The following GNA14 variants were observed in gnomAD, a reference collection of about 807,000 sequenced individuals.
The protein encoded by GNA14 is guanine nucleotide-binding protein subunit alpha-14.
Under a neutral mutation model 42.0 loss-of-function variants are expected in GNA14, and 50 were observed. That is an observed-to-expected ratio of 1.19 (90% CI 0.95 to 1.51). The LOEUF is 1.51. Ranked by LOEUF, GNA14 falls within the 40% of genes most tolerant of loss-of-function variation. The pLI is 0.00. For synonymous variants in GNA14, 173 were observed against 163.1 expected (o/e 1.06, Z -0.46); for missense variants, 473 against 446.2 (o/e 1.06, Z -0.54).
chr9:77,478,013 G>C (rs561878382), intron 2 of GNA14, among the ~76,000 whole-genome samples: 1 of 145,710 alleles, frequency 6.9e-6, no homozygotes, highest in Non-Finnish European at 1.5e-5. Flanking sequence ...CAGAATGAGA[G>C]ACCTTTTTAA....
rs578075402 is a variant in GNA14, at chr9:77,631,814, A to C, written c.124+15856T>G. ...ATGATGGCAGTGGCGGGCCATCTGG[A>C]GCAGCCGCTGCCATCATGCCGGCTG... is the stretch of plus-strand genomic sequence containing the variant. On this transcript the variant is annotated intron_variant, in intron 1 of 6. Transcript: ENST00000341700. 2.7e-3 allele frequency among the ~76,000 whole-genome samples: 416 copies of C among 152,264 alleles called. 1 individual carries two copies. The highest frequency in any genetic ancestry group is 9.8e-3 in the African/African-American group (406 of 41,542).
intron 1 of GNA14, among the ~76,000 whole-genome samples, chr9:77,614,090 T>A (rs1234914510): frequency 1.3e-5 from 2 of 152,224 alleles, no homozygotes; most frequent in Non-Finnish European, 2.9e-5. Context: ...AAACTTATTT[T>A]TCCCTCCTGT....
intron 2 of GNA14, among the ~76,000 whole-genome samples, chr9:77,469,102 G>A (rs746214998): frequency 5.3e-5 from 8 of 152,050 alleles, no homozygotes. Flanking sequence ...GGTCCCTGTA[G>A]GATGCTTTAC....
chr9:77,509,016 T>C (rs1837117776), intron 2 of GNA14, among the ~76,000 whole-genome samples: 1 of 152,216 alleles, frequency 6.6e-6, no homozygotes, highest in Non-Finnish European at 1.5e-5. Flanking sequence ...ATTCACGTTG[T>C]CATGCAACCA....
intron 2 of GNA14, among the ~76,000 whole-genome samples, chr9:77,476,144 G>A (rs1008462536): frequency 1.3e-5 from 2 of 152,180 alleles, no homozygotes; most frequent in Non-Finnish European, 2.9e-5. Flanking sequence ...GAGGGATGTG[G>A]TCAGAATGCT....
chr9:77,647,886 C>G lies in GNA14; in HGVS notation c.-93G>C. 1 of 1,452,912 alleles carries G rather than the reference C, an allele frequency of 6.9e-7. No individual in the cohort carries two copies. The highest frequency in any genetic ancestry group is 1.4e-5 in the African/African-American group (1 of 70,462). 90.0% of individuals were successfully genotyped at this position (1,452,912 alleles called of 1,614,324 possible). A position where few individuals can be genotyped will look rare whatever the true frequency, so the allele number is the denominator to read the frequency against. The stretch of plus-strand genomic sequence containing the variant: ...TCACCCGGCCAGCATGCGACGGGCA[C>G]AGGGGTGTGGAAAGAAAAGACGGGG... On this transcript the variant is annotated 5_prime_UTR_variant, in exon 1 of 7. Coordinates refer to ENST00000341700, the MANE Select transcript of GNA14 (RefSeq NM_004297.4).
chr9:77,556,460 A>C (rs1400017077), intron 1 of GNA14, among the ~76,000 whole-genome samples: 1 of 152,142 alleles, frequency 6.6e-6, no homozygotes, highest in Non-Finnish European at 1.5e-5. Context: ...TTTGAGTTTC[A>C]ACTTACTGGA....
chr9:77,526,758 G>A (rs7030947), intron 2 of GNA14: 99,841 of 152,020 alleles, frequency 0.66, 32,892 homozygotes, highest in Admixed American at 0.74. Flanking sequence ...TTCTGTCTTA[G>A]GCCATCCAAT....
chr9:77,535,135 G>C lies in GNA14; in HGVS notation c.125-5882C>G, dbSNP rs115791513. On this transcript the variant is annotated intron_variant, in intron 1 of 6. Transcript: ENST00000341700. ...CCAGAGGACGGTGCCAGGCCCTTGG[G>C]GGCACTCTGCTTGGCCCCAGAGAAC... 4.2e-3 allele frequency among the ~76,000 whole-genome samples: 634 copies of C among 152,346 alleles called. 6 individuals are homozygous for C. Among genetic ancestry groups the C allele is most frequent in the African/African-American group, 0.014 (597 of 41,584 alleles).
At chr9:77,520,811 C>A (rs1047108225) in intron 2 of GNA14, among the ~76,000 whole-genome samples, 32 of 152,168 alleles carry the variant, frequency 2.1e-4, no homozygotes, top group African/African-American at 7.2e-4. Flanking sequence ...CAGGATCTCC[C>A]TTTTTCATTA....
intron 1 of GNA14, among the ~76,000 whole-genome samples, chr9:77,625,503 C>A (rs4320618): frequency 0.28 from 42,303 of 152,042 alleles, 6,801 homozygotes; most frequent in African/African-American, 0.44. Context: ...GGGTTACCCA[C>A]AAAGGGAAGC....
intron 1 of GNA14, among the ~76,000 whole-genome samples, chr9:77,631,806 C>T (rs1271479405): frequency 6.6e-5 from 10 of 152,148 alleles, no homozygotes; most frequent in Non-Finnish European, 5.9e-5. Flanking sequence ...CAGTGGCGGG[C>T]CATCTGGAGC....
intron 1 of GNA14, among the ~76,000 whole-genome samples, chr9:77,585,861 T>C (rs894070075): frequency 2.0e-5 from 3 of 152,246 alleles, no homozygotes; most frequent in African/African-American, 7.2e-5. Context: ...GGGAGGTTTT[T>C]AGACCTTTAT....
intron 1 of GNA14, among the ~76,000 whole-genome samples, chr9:77,532,829 G>A (rs751213779): frequency 1.1e-4 from 17 of 152,072 alleles, no homozygotes; most frequent in African/African-American, 3.9e-4. Context: ...CAGCCTGAAC[G>A]GCTACACACA....
At chr9:77,467,686 A>G (rs1836261121) in intron 2 of GNA14, among the ~76,000 whole-genome samples, 1 of 146,222 alleles carries the variant, frequency 6.8e-6, no homozygotes, top group Middle Eastern at 3.5e-3. Flanking sequence ...GTCAAGTGCA[A>G]TGGAGCTCTC....
At chr9:77,591,170 C>T (rs1308542634) in intron 1 of GNA14, among the ~76,000 whole-genome samples, 1 of 152,194 alleles carries the variant, frequency 6.6e-6, no homozygotes, top group African/African-American at 2.4e-5. Context: ...GTAGAATCAT[C>T]CTGATCATAC....
At chr9:77,446,777 G>C (rs1439034363) in intron 2 of GNA14, among the ~76,000 whole-genome samples, 1 of 152,188 alleles carries the variant, frequency 6.6e-6, no homozygotes, top group Admixed American at 6.5e-5. Context: ...AAGCCACTGA[G>C]GTTGTGGTAC....
chr9:77,516,393 AG>A (rs1388315123), intron 2 of GNA14, among the ~76,000 whole-genome samples: 9 of 152,162 alleles, frequency 5.9e-5, no homozygotes, highest in African/African-American at 2.2e-4. Context: ...ACTTGGAGGC[AG>A]GGAAGCAAAA....
chr9:77,524,768 A>G (rs909807984), intron 2 of GNA14, among the ~76,000 whole-genome samples: 17 of 152,212 alleles, frequency 1.1e-4, no homozygotes, highest in Admixed American at 7.2e-4. Context: ...GATAGAGAAG[A>G]AATTGATGAA....
Sources: allele counts gnomAD v4.1 joint callset (sites outside exome capture counted in the v4.1 genomes callset), GRCh38; gene constraint gnomAD v4.1.1; transcripts MANE v1.5; gene names NCBI Gene and HGNC (gene_info 2026-07-23, HGNC 2026-07-21).